STK24: variants seen among roughly 807,000 people sequenced by gnomAD.
The protein encoded by STK24 is serine/threonine kinase 24.
STK24 carries 21 observed loss-of-function variants against 55.6 expected under a neutral mutation model. The ratio of observed to expected loss-of-function variants is 0.38; its 90% CI spans 0.27 to 0.54. STK24 has a LOEUF of 0.54. Among genes scored for constraint, STK24 ranks in the 20% least tolerant of loss-of-function variants. The probability of loss-of-function intolerance (pLI) is 0.79; values close to 1 mark genes in which losing one functional copy is unlikely to be tolerated. For missense variants in STK24, 383 were observed against 538.4 expected (o/e 0.71, Z 2.86); for synonymous variants, 200 against 215.2 (o/e 0.93, Z 0.62).
rs1400784350 is a variant in STK24 at position 98,448,097 on chromosome 13, TC to T, written c.*5075del. 1 of 709,490 alleles carries T rather than the reference TC, an allele frequency of 1.4e-6. No homozygotes were observed. The highest frequency in any genetic ancestry group is 2.6e-5 in the East Asian group (1 of 37,826). 43.9% of individuals were successfully genotyped at this position (709,490 alleles called of 1,614,324 possible). A position where few individuals can be genotyped will look rare whatever the true frequency, so the allele number is the denominator to read the frequency against. On this transcript the variant is annotated 3_prime_UTR_variant, in exon 11 of 11. Transcript: ENST00000539966. ...TCAGGAACGCCTGGGTGCTGGCTGT[TC>T]CCTTGCTCTTCTGCTGAAGTGGCAG...
Position 98,452,700 on chromosome 13 carries a change from T to C in STK24, c.*473A>G, listed in dbSNP as rs985237819. The C allele has an allele frequency of 1.9e-5, 3 of 155,298 alleles. No homozygotes were observed. Among genetic ancestry groups the C allele is most frequent in the African/African-American group, 4.8e-5 (2 of 41,454 alleles). 9.6% of individuals were successfully genotyped at this position (155,298 alleles called of 1,614,324 possible). ...CCAGTTTGTACACAGTGATTCCTTA[T>C]GCACGCCGAAAGGGTTTCCGTAAAA... On this transcript the variant is annotated 3_prime_UTR_variant, in exon 11 of 11. Coordinates refer to ENST00000539966, the MANE Select transcript of STK24 (RefSeq NM_001032296.4).
At position 98,446,524 on chromosome 13, in the gene STK24, G is replaced by A. The variant is rs1892846233; in HGVS notation, c.*6649C>T. On this transcript the variant is annotated 3_prime_UTR_variant, in exon 11 of 11. Coordinates refer to ENST00000539966, the MANE Select transcript of STK24 (RefSeq NM_001032296.4). ...GGGCCATCACGTACAGGCAAACACTGGCTGCCATGGTCCCTTCCAGGCCCA... is the reference window on the plus strand; with the variant it reads ...GGGCCATCACGTACAGGCAAACACTAGCTGCCATGGTCCCTTCCAGGCCCA... The A allele has an allele frequency of 1.2e-6, 1 of 820,164 alleles. No individual in the cohort carries two copies. The highest frequency in any genetic ancestry group is 2.4e-5 in the Admixed American group (1 of 42,462). 50.8% of individuals were successfully genotyped at this position (820,164 alleles called of 1,614,324 possible). A position where few individuals can be genotyped will look rare whatever the true frequency, so the allele number is the denominator to read the frequency against.
chr13:98,555,671 GCCTC>G (rs759911142), intron 1 of STK24, among the ~76,000 whole-genome samples: 1 of 149,564 alleles, frequency 6.7e-6, no homozygotes, highest in African/African-American at 2.5e-5. Context: ...ACACATATCA[GCCTC>G]CCTGTCTTTT....
At chr13:98,460,241 G>T in intron 9 of STK24, 131 bp downstream of exon 9, 1 of 847,130 alleles carries the variant, frequency 1.2e-6, no homozygotes, top group East Asian at 2.7e-5. Context: ...AAGGCACCAT[G>T]CAGGCTTTCC....
intron 2 of STK24, among the ~76,000 whole-genome samples, chr13:98,492,108 T>C (rs1345387836): frequency 1.4e-5 from 2 of 143,598 alleles, no homozygotes; most frequent in Non-Finnish European, 3.1e-5. Flanking sequence ...TGTGTGTGTG[T>C]GTAAACAAAT....
intron 2 of STK24, among the ~76,000 whole-genome samples, chr13:98,495,077 C>T (rs1361456229): frequency 6.6e-6 from 1 of 152,260 alleles, no homozygotes; most frequent in Non-Finnish European, 1.5e-5. Context: ...ATGTCAGCAA[C>T]AACCACGACA....
intron 1 of STK24, among the ~76,000 whole-genome samples, chr13:98,530,754 C>A (rs1896559027): frequency 6.6e-6 from 1 of 152,224 alleles, no homozygotes; most frequent in Admixed American, 6.5e-5. Flanking sequence ...CGGGATCAAA[C>A]CTGCCGGCAA....
intron 1 of STK24, among the ~76,000 whole-genome samples, chr13:98,547,986 C>T (rs1897069288): frequency 6.6e-6 from 1 of 152,162 alleles, no homozygotes; most frequent in South Asian, 2.1e-4. Context: ...TCCCCTCTCT[C>T]CCTTAAGAAC....
chr13:98,453,262 G>T, intron 10 of STK24, 53 bp from the exon 11 acceptor site: 1 of 1,572,720 alleles, frequency 6.4e-7, no homozygotes, highest in East Asian at 2.3e-5. Context: ...TCATCCCTGT[G>T]CAAAAATTCA....
chr13:98,506,901 G>C (rs1857483604), intron 2 of STK24, among the ~76,000 whole-genome samples: 1 of 152,236 alleles, frequency 6.6e-6, no homozygotes, highest in African/African-American at 2.4e-5. Flanking sequence ...GTGTGAAACG[G>C]TGACCCTGGG....
chr13:98,547,534 T>C (rs1897057885), intron 1 of STK24, among the ~76,000 whole-genome samples: 1 of 152,194 alleles, frequency 6.6e-6, no homozygotes, highest in Admixed American at 6.5e-5. Context: ...AGCGACAGAA[T>C]GAGACCCTAT....
chr13:98,454,130 T>A (rs967150643), intron 10 of STK24: 1 of 152,224 alleles, frequency 6.6e-6, no homozygotes, highest in African/African-American at 2.4e-5. Context: ...CTAAAAAATC[T>A]TCTTTGCACT....
intron 1 of STK24, among the ~76,000 whole-genome samples, chr13:98,519,847 A>T (rs1896198666): frequency 6.6e-6 from 1 of 152,184 alleles, no homozygotes; most frequent in Non-Finnish European, 1.5e-5. Context: ...GCAAAAATTC[A>T]CTTTTCTCCA....
intron 10 of STK24, chr13:98,453,843 T>C (rs1017766420): frequency 1.3e-5 from 2 of 152,202 alleles, no homozygotes; most frequent in African/African-American, 4.8e-5. Context: ...ATATTAAAAA[T>C]ATGTACAAGT....
intron 5 of STK24, among the ~76,000 whole-genome samples, chr13:98,472,568 G>A (rs142218945): frequency 1.1e-4 from 17 of 152,248 alleles, no homozygotes; most frequent in African/African-American, 2.9e-4. Flanking sequence ...GTGTGCTGTC[G>A]TGATCACAGT....
chr13:98,568,540 A>G (rs1176577271), intron 1 of STK24, among the ~76,000 whole-genome samples: 1 of 152,162 alleles, frequency 6.6e-6, no homozygotes, highest in Non-Finnish European at 1.5e-5. Context: ...GCTGCAGCAG[A>G]CACAGCCGGA....
chr13:98,485,357 G>A (rs1894765325), intron 2 of STK24, among the ~76,000 whole-genome samples: 1 of 152,210 alleles, frequency 6.6e-6, no homozygotes, highest in Non-Finnish European at 1.5e-5. Flanking sequence ...GGGAATCAAA[G>A]CTGTCTTCTT....
intron 2 of STK24, among the ~76,000 whole-genome samples, chr13:98,511,691 C>G (rs1359638649): frequency 6.6e-6 from 1 of 152,112 alleles, no homozygotes; most frequent in Admixed American, 6.5e-5. Context: ...CTAACAAAAG[C>G]CACTAACAAC....
At chr13:98,528,555 T>C (rs988738769) in intron 1 of STK24, among the ~76,000 whole-genome samples, 3 of 152,162 alleles carry the variant, frequency 2.0e-5, no homozygotes, top group African/African-American at 7.2e-5. Flanking sequence ...CATTCCACAA[T>C]ACAACACAAC....
Sources: allele counts gnomAD v4.1 joint callset (sites outside exome capture counted in the v4.1 genomes callset), GRCh38; gene constraint gnomAD v4.1.1; transcripts MANE v1.5; gene names NCBI Gene and HGNC (gene_info 2026-07-23, HGNC 2026-07-21).